The following ALOX5AP variants were observed in gnomAD, a reference collection of about 807,000 sequenced individuals.
ALOX5AP encodes arachidonate 5-lipoxygenase activating protein, also known as arachidonate 5-lipoxygenase-activating protein.
A neutral mutation model predicts 18.5 loss-of-function variants in ALOX5AP; 9 were observed. That is an observed-to-expected ratio of 0.49 (90% CI 0.29 to 0.85). The LOEUF (loss-of-function observed/expected upper bound fraction) is 0.85. Ranked by LOEUF, ALOX5AP falls within the 40% of genes least tolerant of loss-of-function variation. The probability of loss-of-function intolerance (pLI) is 0.08; values close to 1 mark genes in which losing one functional copy is unlikely to be tolerated. For missense variants in ALOX5AP, 172 were observed against 202.5 expected (o/e 0.85, Z 0.91); for synonymous variants, 81 against 78.6 (o/e 1.03, Z -0.16).
intron 1 of ALOX5AP, among the ~76,000 whole-genome samples, chr13:30,729,576 A>ATTTT (rs10655622): frequency 1.5e-5 from 2 of 137,630 alleles, no homozygotes; most frequent in Non-Finnish European, 1.5e-5. Context: ...TCTAACCTGT[A>ATTTT]TTTTTTTTTT....
chr13:30,727,802 C>A (rs1951650681), intron 1 of ALOX5AP, among the ~76,000 whole-genome samples: 1 of 152,142 alleles, frequency 6.6e-6, no homozygotes, highest in Admixed American at 6.5e-5. Context: ...TCTAGCCCAA[C>A]CTGTGGTTTC....
chr13:30,752,831 G>T (rs767933270), intron 3 of ALOX5AP, among the ~76,000 whole-genome samples: 1 of 152,200 alleles, frequency 6.6e-6, no homozygotes, highest in Non-Finnish European at 1.5e-5. Flanking sequence ...AAAGTAGATA[G>T]AGTGGATTTT....
At chr13:30,735,766 T>C in intron 1 of ALOX5AP, 91 bp downstream of exon 1, 2 of 1,420,248 alleles carry the variant, frequency 1.4e-6, no homozygotes, top group Non-Finnish European at 2.0e-6. Context: ...TGTGTCTGTG[T>C]GTGCGCATGC....
intron 4 of ALOX5AP, among the ~76,000 whole-genome samples, chr13:30,759,159 A>G (rs941384023): frequency 9.9e-5 from 15 of 152,032 alleles, no homozygotes; most frequent in African/African-American, 3.6e-4. Flanking sequence ...TTAAGCTATT[A>G]CCTGGGCCTG....
intron 2 of ALOX5AP, among the ~76,000 whole-genome samples, chr13:30,744,896 G>C (rs1205832264): frequency 2.6e-5 from 4 of 152,206 alleles, no homozygotes; most frequent in Non-Finnish European, 5.9e-5. Flanking sequence ...ACAGAGGAAG[G>C]CCTCATGCTA....
chr13:30,752,828 A>G (rs1249636473), intron 3 of ALOX5AP, among the ~76,000 whole-genome samples: 3 of 152,180 alleles, frequency 2.0e-5, no homozygotes, highest in Non-Finnish European at 4.4e-5. Context: ...TGTAAAGTAG[A>G]TAGAGTGGAT....
At chr13:30,736,372 A>T (rs531771921) in intron 1 of ALOX5AP, among the ~76,000 whole-genome samples, 2 of 152,022 alleles carry the variant, frequency 1.3e-5, no homozygotes, top group Non-Finnish European at 2.9e-5. Flanking sequence ...ACAACAAAAA[A>T]CAAGCAGGAT....
chr13:30,751,954 C>T (rs1171862279), intron 2 of ALOX5AP, 98 bp from the exon 3 acceptor site: 25 of 1,159,820 alleles, frequency 2.2e-5, no homozygotes, highest in Middle Eastern at 1.9e-4. Context: ...GTTTCATGCA[C>T]GATGGTGATT....
At chr13:30,760,158 C>A (rs955343653) in intron 4 of ALOX5AP, among the ~76,000 whole-genome samples, 1 of 152,036 alleles carries the variant, frequency 6.6e-6, no homozygotes, top group Admixed American at 6.6e-5. Context: ...AATGACACTT[C>A]CCTAAATTCT....
intron 4 of ALOX5AP, among the ~76,000 whole-genome samples, chr13:30,758,129 A>G (rs955733914): frequency 6.6e-6 from 1 of 152,216 alleles, no homozygotes; most frequent in Non-Finnish European, 1.5e-5. Flanking sequence ...AGCAGCTGTC[A>G]TAAGTAGAAG....
rs200634958 is a variant in ALOX5AP, at chr13:30,735,704, A to G, written c.70+29A>G. The stretch of plus-strand genomic sequence containing the variant: ...AGGAAAGCCCTTCACTCAGGGAAGA[A>G]CAGAAGGGGAGATTTTCTTTGATGG... On this transcript the variant is annotated intron_variant, in intron 1 of 4. Coordinates refer to ENST00000380490, the MANE Select transcript of ALOX5AP (RefSeq NM_001629.4). The G allele has an allele frequency of 2.5e-6, 4 of 1,611,224 alleles. No homozygotes were observed. In the East Asian group the frequency reaches 8.9e-5, roughly 36 times the overall value.
chr13:30,741,557 C>T (rs1383349274), intron 1 of ALOX5AP, among the ~76,000 whole-genome samples: 2 of 396 alleles, frequency 5.1e-3, no homozygotes, highest in Admixed American at 0.033. Flanking sequence ...CCCACCCCCA[C>T]CCCCCAACAA....
intron 2 of ALOX5AP, among the ~76,000 whole-genome samples, chr13:30,748,235 G>A (rs530482949): frequency 1.3e-5 from 2 of 152,124 alleles, no homozygotes; most frequent in Non-Finnish European, 2.9e-5. Flanking sequence ...TCACTTTCAA[G>A]TGGCATAGAC....
In ALOX5AP at chr13:30,717,662, T is replaced by A. The variant is rs535250086; in HGVS notation, c.116+3821T>A. Among the ~76,000 whole-genome samples the A allele has an allele frequency of 2.2e-4, 34 of 152,352 alleles. 1 individual carries two copies. The South Asian group carries it at 6.4e-3, about 29-fold the overall frequency. On this transcript the variant is annotated intron_variant, in intron 1 of 5. Transcript: ENST00000617770. ...ATAGGGCGAGGTGTGGAAAGGTCCC[T>A]AGTGCAGGAGCTTCTGTCCATGTGG...
At chr13:30,725,554 A>C (rs1951633229) in intron 1 of ALOX5AP, among the ~76,000 whole-genome samples, 1 of 152,236 alleles carries the variant, frequency 6.6e-6, no homozygotes, top group African/African-American at 2.4e-5. Context: ...AATCTACGCC[A>C]ATATGGCACC....
chr13:30,724,402 G>T (rs1158384864), intron 1 of ALOX5AP, among the ~76,000 whole-genome samples: 1 of 152,172 alleles, frequency 6.6e-6, no homozygotes, highest in Non-Finnish European at 1.5e-5. Flanking sequence ...TGCCAGTTTT[G>T]AATGAGACCC....
At chr13:30,735,773 A>C in intron 1 of ALOX5AP, 98 bp downstream of exon 1, 1 of 1,297,478 alleles carries the variant, frequency 7.7e-7, no homozygotes, top group Non-Finnish European at 1.1e-6. Context: ...GTGTGTGCGC[A>C]TGCACAAACA....
upstream of ALOX5AP, chr13:30,735,403 G>GAACC: frequency 8.6e-7 from 1 of 1,166,644 alleles, no homozygotes; most frequent in Non-Finnish European, 1.1e-6. Flanking sequence ...GGGACACACT[G>GAACC]AACCACAGCC....
chr13:30,756,738 A>G (rs1951897780), intron 4 of ALOX5AP, among the ~76,000 whole-genome samples: 1 of 145,698 alleles, frequency 6.9e-6, no homozygotes, highest in Non-Finnish European at 1.5e-5. Flanking sequence ...GCTTGAACCC[A>G]GGAGGCAGAG....
Sources: allele counts gnomAD v4.1 joint callset (sites outside exome capture counted in the v4.1 genomes callset), GRCh38; gene constraint gnomAD v4.1.1; transcripts MANE v1.5; gene names NCBI Gene and HGNC (gene_info 2026-07-23, HGNC 2026-07-21).